The following LRBA variants were observed in gnomAD, a reference collection of about 807,000 sequenced individuals.
LRBA encodes the protein lipopolysaccharide-responsive and beige-like anchor protein.
In LRBA, 176 loss-of-function variants were observed where a neutral mutation model predicts 330.0. The ratio of observed to expected loss-of-function variants is 0.53; its 90% CI spans 0.47 to 0.60. The LOEUF (loss-of-function observed/expected upper bound fraction) is 0.60, where lower values mean the gene tolerates loss of function less well. Among genes scored for constraint, LRBA ranks in the 20% least tolerant of loss-of-function variants. The pLI, the probability that LRBA is intolerant of heterozygous loss-of-function variation, is 0.00. For synonymous variants in LRBA, 1,230 were observed against 1,193.0 expected, an observed-to-expected ratio of 1.03 and a Z score of -0.64; for missense variants, 3,259 against 3,444.8, an observed-to-expected ratio of 0.95 and a Z score of 1.35.
At chr4:150,859,511 AC>A (rs1246120399) in intron 22 of LRBA, among the ~76,000 whole-genome samples, 8 of 152,240 alleles carry the variant, frequency 5.3e-5, no homozygotes, top group Non-Finnish European at 1.0e-4. Context: ...AACAAATAAG[AC>A]AATGAAATCA....
chr4:150,989,008 GT>G (rs1464778179), intron 2 of LRBA, among the ~76,000 whole-genome samples: 1 of 151,442 alleles, frequency 6.6e-6, no homozygotes, highest in African/African-American at 2.4e-5. Context: ...TTTTGTTGTT[GT>G]TTTTTTGTTT....
chr4:150,825,665 T>C (rs1471408143), intron 30 of LRBA, among the ~76,000 whole-genome samples: 2 of 152,160 alleles, frequency 1.3e-5, no homozygotes, highest in Non-Finnish European at 2.9e-5. Context: ...GTAAACTGTG[T>C]ATCACGGTAA....
intron 36 of LRBA, among the ~76,000 whole-genome samples, chr4:150,708,759 C>T (rs1785887833): frequency 6.6e-6 from 1 of 151,634 alleles, no homozygotes; most frequent in South Asian, 2.1e-4. Context: ...TTTAAGCCAG[C>T]TGGCATTTTA....
At chr4:150,325,945 A>G (rs769360940) in intron 48 of LRBA, 47 bp from the exon 49 acceptor site, 1 of 1,004,792 alleles carries the variant, frequency 1.0e-6, no homozygotes, top group South Asian at 1.3e-5. Flanking sequence ...TGCTAATTAC[A>G]GGAAATAGAA....
intron 22 of LRBA, among the ~76,000 whole-genome samples, chr4:150,864,148 G>A (rs538247121): frequency 2.2e-4 from 33 of 152,198 alleles, no homozygotes; most frequent in African/African-American, 7.7e-4. Flanking sequence ...ATGTTGGCCA[G>A]GATGATCTCA....
At chr4:150,951,737 A>G (rs184419560) in intron 2 of LRBA, among the ~76,000 whole-genome samples, 13 of 152,330 alleles carry the variant, frequency 8.5e-5, no homozygotes, top group Admixed American at 8.5e-4. Context: ...GGTCCTGGTA[A>G]CTATATACAG....
At chr4:150,825,457 C>T (rs945958602) in intron 30 of LRBA, among the ~76,000 whole-genome samples, 1 of 152,152 alleles carries the variant, frequency 6.6e-6, no homozygotes, top group African/African-American at 2.4e-5. Context: ...ACCTCCACCT[C>T]CCAGGTTCAA....
intron 44 of LRBA, among the ~76,000 whole-genome samples, chr4:150,456,217 G>C (rs1754045478): frequency 6.6e-6 from 1 of 152,082 alleles, no homozygotes; most frequent in African/African-American, 2.4e-5. Context: ...TCATATGGCA[G>C]CTCATTTTTA....
intron 53 of LRBA, among the ~76,000 whole-genome samples, chr4:150,289,594 C>A (rs1463797984): frequency 6.6e-6 from 1 of 152,196 alleles, no homozygotes; most frequent in East Asian, 1.9e-4. Context: ...AGGAAATGTA[C>A]ATTACTGGCC....
In LRBA at chr4:150,810,760, C is replaced by T. The variant is rs566875394; in HGVS notation, c.5306-2362G>A. 4.6e-5 allele frequency among the ~76,000 whole-genome samples: 7 copies of T among 152,224 alleles called. No individual in the cohort carries two copies. In the South Asian group the frequency reaches 1.5e-3, roughly 32 times the overall value. On this transcript the variant is annotated intron_variant, in intron 31 of 56. Transcript: ENST00000651943. ...GGGAATATAGGTGGATGCCACCACA[C>T]CTGGCTATTTTCTATTTTTTTTGTA...
At chr4:150,813,173 A>AAAAG (rs1259987346) in intron 31 of LRBA, among the ~76,000 whole-genome samples, 6 of 44,464 alleles carry the variant, frequency 1.3e-4, no homozygotes, top group South Asian at 2.7e-3. Flanking sequence ...AAAAAAAAAA[A>AAAAG]AAAGAAAGAA....
chr4:150,754,700 T>G (rs1734056392), intron 35 of LRBA, among the ~76,000 whole-genome samples: 1 of 152,048 alleles, frequency 6.6e-6, no homozygotes, highest in Non-Finnish European at 1.5e-5. Flanking sequence ...GGGACCAAGG[T>G]AGGAAGATCA....
At chr4:150,366,026 T>C (rs188388462) in intron 47 of LRBA, among the ~76,000 whole-genome samples, 1 of 152,154 alleles carries the variant, frequency 6.6e-6, no homozygotes, top group South Asian at 2.1e-4. Context: ...ATTCAAAATA[T>C]TGATTAGATT....
chr4:150,690,928 T>TTTTTC lies in LRBA; in HGVS notation c.5755-7212_5755-7211insGAAAA, dbSNP rs1491468073. On this transcript the variant is annotated intron_variant, in intron 36 of 56. Transcript: ENST00000651943. ...TTATCAAAATTTAAAACACCTGGTC[T>TTTTTC]TTTTTTTTTTTTTTTTTTTTAGACA... is the stretch of plus-strand genomic sequence containing the variant. Among the ~76,000 whole-genome samples, 5 of 3,782 alleles carry TTTTTC rather than the reference T, an allele frequency of 1.3e-3. No individual in the cohort carries two copies. In the Non-Finnish European group the frequency reaches 0.018, roughly 14 times the overall value. The allele number at this position is 3,782 out of a possible 152,430, so 2.5% of individuals were successfully genotyped here.
intron 36 of LRBA, among the ~76,000 whole-genome samples, chr4:150,731,212 C>T (rs1469141752): frequency 6.6e-6 from 1 of 152,072 alleles, no homozygotes; most frequent in Non-Finnish European, 1.5e-5. Flanking sequence ...TTAGTAAAAA[C>T]CACCATGAGA....
At chr4:150,843,413 CA>C (rs1749394440) in intron 28 of LRBA, among the ~76,000 whole-genome samples, 1 of 151,990 alleles carries the variant, frequency 6.6e-6, no homozygotes, top group South Asian at 2.1e-4. Flanking sequence ...CTGATGAGTG[CA>C]ATTATAAATT....
chr4:150,294,794 A>T (rs1728757455), intron 53 of LRBA, among the ~76,000 whole-genome samples: 1 of 152,190 alleles, frequency 6.6e-6, no homozygotes, highest in Non-Finnish European at 1.5e-5. Context: ...TACTAAAAAT[A>T]CAAAAAAATT....
chr4:150,849,886 G>C (rs1244954499), intron 24 of LRBA, among the ~76,000 whole-genome samples: 1 of 152,020 alleles, frequency 6.6e-6, no homozygotes, highest in Non-Finnish European at 1.5e-5. Flanking sequence ...AAAATTAGGA[G>C]GTAAATACTG....
At chr4:150,340,722 C>T (rs750331411) in intron 48 of LRBA, among the ~76,000 whole-genome samples, 23 of 152,100 alleles carry the variant, frequency 1.5e-4, no homozygotes, top group Non-Finnish European at 3.2e-4. Flanking sequence ...TTTAGATGTA[C>T]AGAAACATCC....
Sources: allele counts gnomAD v4.1 joint callset (sites outside exome capture counted in the v4.1 genomes callset), GRCh38; gene constraint gnomAD v4.1.1; transcripts MANE v1.5; gene names NCBI Gene and HGNC (gene_info 2026-07-23, HGNC 2026-07-21).